Variants in TANGO6 observed in about 807,000 individuals in gnomAD.
TANGO6 encodes the protein transport and golgi organization 6 homolog, also known as transport and Golgi organization protein 6 homolog.
In TANGO6, 90 loss-of-function variants were observed where a neutral mutation model predicts 114.2. The ratio of observed to expected loss-of-function variants is 0.79; its 90% CI spans 0.66 to 0.94. The LOEUF (loss-of-function observed/expected upper bound fraction) is 0.94, where lower values mean the gene tolerates loss of function less well. Among genes scored for constraint, TANGO6 ranks in the 40% least tolerant of loss-of-function variants. The probability of loss-of-function intolerance (pLI) is 0.00; values close to 1 mark genes in which losing one functional copy is unlikely to be tolerated. For synonymous variants in TANGO6, 477 were observed against 509.8 expected (o/e 0.94, Z 0.87); for missense variants, 1,274 against 1,315.3 (o/e 0.97, Z 0.49).
intron 16 of TANGO6, among the ~76,000 whole-genome samples, chr16:69,030,107 CAAAAAAA>C (rs529117472): frequency 3.2e-5 from 2 of 62,518 alleles, no homozygotes; most frequent in African/African-American, 5.9e-5. Context: ...GACTCTGACT[CAAAAAAA>C]AAAAAAAAAA....
chr16:68,988,692 CTTTTTTTT>C (rs397855895), intron 15 of TANGO6, among the ~76,000 whole-genome samples: 8 of 112,440 alleles, frequency 7.1e-5, no homozygotes, highest in African/African-American at 1.1e-4. Context: ...TTCTCTCTCT[CTTTTTTTT>C]TTTTTTTTTT....
At position 69,012,011 on chromosome 16, in the gene TANGO6, G is replaced by C. The variant is rs923156084; in HGVS notation, c.2843-10817G>C. ...TTCCAAAGCAACTCATTTTTGTCAA[G>C]TTTGTTCAAACAAATCTAGATCCTT... On this transcript the variant is annotated intron_variant, in intron 15 of 17. Transcript: ENST00000261778. Among the ~76,000 whole-genome samples, 2 of 152,156 alleles carry C rather than the reference G, an allele frequency of 1.3e-5. 1 individual carries two copies. The highest frequency in any genetic ancestry group is 4.1e-4 in the South Asian group (2 of 4,838).
intron 14 of TANGO6, among the ~76,000 whole-genome samples, chr16:68,961,674 A>C (rs1963592907): frequency 6.6e-6 from 1 of 152,214 alleles, no homozygotes; most frequent in Non-Finnish European, 1.5e-5. Flanking sequence ...ATTAGAAAAC[A>C]CTTTAAGGAA....
intron 14 of TANGO6, among the ~76,000 whole-genome samples, chr16:68,967,204 C>T (rs572065873): frequency 2.0e-4 from 30 of 152,238 alleles, no homozygotes; most frequent in East Asian, 1.9e-4. Context: ...TTTCCATGGA[C>T]GGGACGGTGT....
At chr16:69,078,011 A>G (rs1228165656) in intron 17 of TANGO6, among the ~76,000 whole-genome samples, 2 of 152,116 alleles carry the variant, frequency 1.3e-5, no homozygotes, top group Non-Finnish European at 1.5e-5. Context: ...AGGGGCTACA[A>G]ACAGAACTCC....
intron 15 of TANGO6, among the ~76,000 whole-genome samples, chr16:68,984,032 CAAAAAGAAAAAAAAAAA>C (rs1284955036): frequency 3.4e-5 from 4 of 116,072 alleles, no homozygotes; most frequent in Admixed American, 2.8e-4. Flanking sequence ...GACTCCGTCT[CAAAAAGAAAAAAAAAAA>C]AAAAAGAAAA....
intron 14 of TANGO6, among the ~76,000 whole-genome samples, chr16:68,932,094 A>T (rs998400164): frequency 1.3e-5 from 2 of 151,712 alleles, no homozygotes; most frequent in South Asian, 2.1e-4. Flanking sequence ...CAATAAAAAA[A>T]ATTTTTTTTT....
chr16:68,937,677 A>T (rs1050850898), intron 14 of TANGO6: 11 of 152,130 alleles, frequency 7.2e-5, no homozygotes, highest in Non-Finnish European at 1.5e-4. Context: ...TCACTTTAGC[A>T]TAATGTTTTT....
In TANGO6 at chr16:68,883,690, G is replaced by A. The variant is rs1183140464; in HGVS notation, c.1377+3060G>A. ...TATATACCTAGGAATAGAATTGCTG[G>A]ATCATGTAGTAACTCTATGTTTTAC... On this transcript the variant is annotated intron_variant, in intron 7 of 17. Coordinates refer to ENST00000261778, the MANE Select transcript of TANGO6 (RefSeq NM_024562.2). Among the ~76,000 whole-genome samples the A allele has an allele frequency of 2.0e-4, 31 of 152,100 alleles. 1 individual carries two copies. The highest frequency in any genetic ancestry group is 2.0e-3 in the Admixed American group (30 of 15,262).
At chr16:68,868,076 C>G (rs1008694450) in intron 4 of TANGO6, 1 of 148,766 alleles carries the variant, frequency 6.7e-6, no homozygotes, top group Admixed American at 6.7e-5. Context: ...CCCAGGAGTT[C>G]GAGGCTATAG....
chr16:68,998,603 C>G (rs189148952), intron 15 of TANGO6, among the ~76,000 whole-genome samples: 3 of 151,604 alleles, frequency 2.0e-5, no homozygotes, highest in African/African-American at 7.3e-5. Flanking sequence ...TGGTGGTGGA[C>G]AACTGTAGTC....
chr16:68,854,556 G>A (rs893451926), intron 1 of TANGO6, among the ~76,000 whole-genome samples: 1 of 151,396 alleles, frequency 6.6e-6, no homozygotes, highest in African/African-American at 2.4e-5. Context: ...TTATAGTTTA[G>A]ATTTTGTATT....
intron 14 of TANGO6, among the ~76,000 whole-genome samples, chr16:68,953,977 T>C (rs1313603451): frequency 6.6e-6 from 1 of 152,044 alleles, no homozygotes; most frequent in East Asian, 1.9e-4. Context: ...CAGTGGCTCA[T>C]GCCTGTAATC....
chr16:69,026,178 T>A (rs1229235325), intron 16 of TANGO6: 1 of 151,664 alleles, frequency 6.6e-6, no homozygotes, highest in Admixed American at 6.6e-5. Context: ...ATTTTTGTAT[T>A]TTTAGTAGAG....
intron 15 of TANGO6, among the ~76,000 whole-genome samples, chr16:68,997,045 T>A (rs1281042752): frequency 1.3e-5 from 2 of 152,242 alleles, no homozygotes; most frequent in African/African-American, 4.8e-5. Context: ...ACTTCTGGCA[T>A]AAGATCTTAA....
chr16:68,980,951 G>A (rs1963830234), intron 15 of TANGO6, among the ~76,000 whole-genome samples: 2 of 151,838 alleles, frequency 1.3e-5, no homozygotes, highest in African/African-American at 4.8e-5. Context: ...CCGAGATCAC[G>A]CCACTGCACT....
chr16:68,845,211 G>A (rs1021751423), intron 1 of TANGO6, among the ~76,000 whole-genome samples: 7 of 152,216 alleles, frequency 4.6e-5, no homozygotes, highest in African/African-American at 1.4e-4. Flanking sequence ...CAAGTGATCT[G>A]CCTGCCTTGG....
At chr16:68,886,409 T>A in intron 7 of TANGO6, among the ~76,000 whole-genome samples, 1 of 24,408 alleles carries the variant, frequency 4.1e-5, no homozygotes, top group African/African-American at 1.7e-3. Context: ...TTAAATTGGG[T>A]TTATTGTCTT....
chr16:68,877,638 C>T (rs1036573339), intron 5 of TANGO6, among the ~76,000 whole-genome samples: 6 of 151,468 alleles, frequency 4.0e-5, no homozygotes, highest in South Asian at 2.1e-4. Context: ...GATGGAGTCT[C>T]GCTCTGTCGC....
Sources: gnomAD v4.1 joint callset for allele counts (sites outside exome capture counted in the v4.1 genomes callset) on GRCh38, gnomAD v4.1.1 for gene constraint, MANE v1.5 for transcripts, NCBI Gene and HGNC (gene_info 2026-07-23, HGNC 2026-07-21) for gene names.